FSIP1: variants seen among roughly 807,000 people sequenced by gnomAD.
FSIP1 encodes the protein fibrous sheath-interacting protein 1.
In FSIP1, 65 loss-of-function variants were observed where a neutral mutation model predicts 60.9. That is an observed-to-expected ratio of 1.07 (90% confidence interval 0.87 to 1.31). The LOEUF (loss-of-function observed/expected upper bound fraction) is 1.31. FSIP1 is among the 40% of genes most tolerant of loss of function. The pLI is 0.00. For missense variants in FSIP1, 675 were observed against 665.5 expected, an observed-to-expected ratio of 1.01 and a Z score of -0.16; for synonymous variants, 209 against 221.2, an observed-to-expected ratio of 0.94 and a Z score of 0.49.
At chr15:39,767,671 G>A (rs943967700) in intron 3 of FSIP1, among the ~76,000 whole-genome samples, 1 of 152,168 alleles carries the variant, frequency 6.6e-6, no homozygotes, top group African/African-American at 2.4e-5. Flanking sequence ...GAACACACCA[G>A]CAGACACTGG....
At chr15:39,734,287 T>C (rs1479314512) in intron 8 of FSIP1, among the ~76,000 whole-genome samples, 1 of 152,106 alleles carries the variant, frequency 6.6e-6, no homozygotes, top group East Asian at 1.9e-4. Context: ...TGGGGCAAAA[T>C]TTTTCAAAAA....
At chr15:39,601,116 G>A (rs189770705) in intron 11 of FSIP1, among the ~76,000 whole-genome samples, 190 bp from the exon 12 acceptor site, 360 of 152,290 alleles carry the variant, frequency 2.4e-3, no homozygotes, top group African/African-American at 8.3e-3. Flanking sequence ...AAAGATCAGG[G>A]CGCCTACTCT....
chr15:39,680,415 C>T (rs1214435922), intron 10 of FSIP1, among the ~76,000 whole-genome samples: 1 of 152,152 alleles, frequency 6.6e-6, no homozygotes, highest in African/African-American at 2.4e-5. Context: ...TTTCTAGTTG[C>T]CCATACAGTC....
intron 1 of FSIP1, among the ~76,000 whole-genome samples, chr15:39,776,818 A>G (rs1320206127): frequency 6.6e-6 from 1 of 152,186 alleles, no homozygotes. Flanking sequence ...CTGGGCCTCC[A>G]GGAAAAAACA....
At chr15:39,753,972 A>C (rs1897236669) in intron 5 of FSIP1, among the ~76,000 whole-genome samples, 1 of 152,120 alleles carries the variant, frequency 6.6e-6, no homozygotes, top group Admixed American at 6.6e-5. Flanking sequence ...CAGATGTATG[A>C]AACCTGAAGA....
intron 10 of FSIP1, among the ~76,000 whole-genome samples, chr15:39,668,227 C>T (rs62002420): frequency 4.3e-4 from 65 of 150,860 alleles, no homozygotes; most frequent in Admixed American, 4.2e-3. Flanking sequence ...AAACCTGGCC[C>T]GTAATAAGCA....
intron 5 of FSIP1, 87 bp downstream of exon 5, chr15:39,763,733 AG>A: frequency 1.4e-6 from 1 of 736,330 alleles, no homozygotes; most frequent in Non-Finnish European, 2.4e-6. Context: ...AGAACAGGAC[AG>A]AAAAACTGGA....
chr15:39,726,081 C>G (rs896834997), intron 9 of FSIP1, among the ~76,000 whole-genome samples: 2 of 152,080 alleles, frequency 1.3e-5, no homozygotes, highest in African/African-American at 4.8e-5. Flanking sequence ...CATGAGCCAC[C>G]GCACCTGCTT....
chr15:39,614,783 A>G (rs187550411), intron 11 of FSIP1, among the ~76,000 whole-genome samples: 1 of 152,376 alleles, frequency 6.6e-6, no homozygotes, highest in Admixed American at 6.5e-5. Context: ...TCACAGAAAT[A>G]TAAAAGAAAC....
intron 10 of FSIP1, among the ~76,000 whole-genome samples, chr15:39,628,394 C>T (rs1044476267): frequency 6.6e-6 from 1 of 152,122 alleles, no homozygotes; most frequent in Admixed American, 6.6e-5. Flanking sequence ...ATGTCCACTG[C>T]GAAGACGTAG....
chr15:39,689,157 A>T (rs1894499411), intron 10 of FSIP1, among the ~76,000 whole-genome samples: 1 of 152,140 alleles, frequency 6.6e-6, no homozygotes, highest in Non-Finnish European at 1.5e-5. Flanking sequence ...ACTATAAAGG[A>T]TACTACTGAG....
chr15:39,780,819 C>G (rs777826682), intron 1 of FSIP1, among the ~76,000 whole-genome samples: 1 of 152,174 alleles, frequency 6.6e-6, no homozygotes, highest in Non-Finnish European at 1.5e-5. Flanking sequence ...AACCCCTGAC[C>G]TCAAGTGATC....
At chr15:39,695,091 T>C (rs1054811234) in intron 10 of FSIP1, among the ~76,000 whole-genome samples, 3 of 152,178 alleles carry the variant, frequency 2.0e-5, no homozygotes, top group African/African-American at 7.2e-5. Flanking sequence ...TGTACTTCCC[T>C]AACATTTGCA....
chr15:39,611,396 C>T (rs1270621244), intron 11 of FSIP1, among the ~76,000 whole-genome samples: 1 of 151,990 alleles, frequency 6.6e-6, no homozygotes, highest in Non-Finnish European at 1.5e-5. Flanking sequence ...AAGTGATCTT[C>T]CCACTTCATC....
At chr15:39,733,197 A>C (rs1307131161) in intron 8 of FSIP1, among the ~76,000 whole-genome samples, 1 of 152,116 alleles carries the variant, frequency 6.6e-6, no homozygotes, top group Non-Finnish European at 1.5e-5. Flanking sequence ...AACCTGGCTA[A>C]TTGTTGTATT....
rs1211196909 is a variant in FSIP1 at position 39,726,793 on chromosome 15, T to A, written c.892-46A>T. ...CCAGGTCATTCTCAGGCTATATTTTTGCCAAAATATACCTTTCAAGTGGCT... is the reference window on the plus strand; with the variant it reads ...CCAGGTCATTCTCAGGCTATATTTTAGCCAAAATATACCTTTCAAGTGGCT... On this transcript the variant is annotated intron_variant, in intron 8 of 11. Coordinates refer to ENST00000350221, the MANE Select transcript of FSIP1 (RefSeq NM_152597.5). 4.5e-6 allele frequency: 7 copies of A among 1,570,914 alleles called. No homozygotes were observed. The Admixed American group carries it at 7.0e-5, about 16-fold the overall frequency.
At chr15:39,757,809 T>C (rs139349979) in intron 5 of FSIP1, among the ~76,000 whole-genome samples, 62 of 152,290 alleles carry the variant, frequency 4.1e-4, no homozygotes, top group African/African-American at 1.5e-3. Context: ...AGACAGTCAG[T>C]AGCAAGAGTG....
chr15:39,623,612 G>A (rs549689987), intron 10 of FSIP1, among the ~76,000 whole-genome samples: 28 of 152,290 alleles, frequency 1.8e-4, no homozygotes, highest in Admixed American at 2.6e-4. Context: ...CAACACCTCC[G>A]TAGTAGTCTA....
At chr15:39,627,955 G>T (rs1891712022) in intron 10 of FSIP1, among the ~76,000 whole-genome samples, 1 of 152,218 alleles carries the variant, frequency 6.6e-6, no homozygotes, top group African/African-American at 2.4e-5. Flanking sequence ...AACAGCGTGG[G>T]CCTGGAAGCA....
Sources: gnomAD v4.1 joint callset for allele counts (sites outside exome capture counted in the v4.1 genomes callset) on GRCh38, gnomAD v4.1.1 for gene constraint, MANE v1.5 for transcripts, NCBI Gene and HGNC (gene_info 2026-07-23, HGNC 2026-07-21) for gene names.